CREB3L2: variants seen among roughly 807,000 people sequenced by gnomAD.
CREB3L2 encodes cyclic AMP-responsive element-binding protein 3-like protein 2.
Under a neutral mutation model 57.2 loss-of-function variants are expected in CREB3L2, and 23 were observed. That is an observed-to-expected ratio of 0.40 (90% CI 0.29 to 0.57). The LOEUF (loss-of-function observed/expected upper bound fraction) is 0.57. Among genes scored for constraint, CREB3L2 ranks in the 20% least tolerant of loss-of-function variants. CREB3L2 has a pLI of 0.42. For synonymous variants in CREB3L2, 268 were observed against 265.1 expected, an observed-to-expected ratio of 1.01 and a Z score of -0.11; for missense variants, 628 against 634.7, an observed-to-expected ratio of 0.99 and a Z score of 0.11.
intron 1 of CREB3L2, among the ~76,000 whole-genome samples, chr7:137,960,835 CAG>C (rs1341526874): frequency 1.5e-4 from 2 of 13,048 alleles, no homozygotes; most frequent in Admixed American, 9.3e-4. Context: ...TTTTTTGAGA[CAG>C]AGTTTCACTC....
chr7:137,988,024 C>T (rs1156335577), intron 1 of CREB3L2, among the ~76,000 whole-genome samples: 1 of 152,230 alleles, frequency 6.6e-6, no homozygotes, highest in African/African-American at 2.4e-5. Context: ...CTTCAAAGAG[C>T]CTGCTCTGCT....
intron 8 of CREB3L2, 126 bp from the exon 9 acceptor site, chr7:137,885,628 GT>G: frequency 2.8e-6 from 2 of 712,654 alleles, no homozygotes; most frequent in Non-Finnish European, 4.9e-6. Flanking sequence ...CCAAGGGACA[GT>G]TTCCTCTGGA....
chr7:137,992,750 A>G (rs879366036), intron 1 of CREB3L2, among the ~76,000 whole-genome samples: 3 of 152,364 alleles, frequency 2.0e-5, no homozygotes, highest in Admixed American at 6.5e-5. Flanking sequence ...TAAGCTTGCC[A>G]GAGTGTCATG....
chr7:137,900,916 TA>T (rs1466256443), intron 8 of CREB3L2, among the ~76,000 whole-genome samples: 1 of 152,242 alleles, frequency 6.6e-6, no homozygotes, highest in African/African-American at 2.4e-5. Context: ...TGGTCACCTC[TA>T]AATTTTGATG....
At chr7:137,917,354 G>C (rs550476337) in intron 2 of CREB3L2, among the ~76,000 whole-genome samples, 1 of 152,274 alleles carries the variant, frequency 6.6e-6, no homozygotes, top group African/African-American at 2.4e-5. Flanking sequence ...ACGACCAGAG[G>C]GTTGGAAACA....
chr7:138,001,242 C>CAA lies in CREB3L2; in HGVS notation c.102+360_102+361dup, dbSNP rs201152640. On this transcript the variant is annotated intron_variant, in intron 1 of 11. Coordinates refer to ENST00000330387, the MANE Select transcript of CREB3L2 (RefSeq NM_194071.4). The surrounding 1 kb of genome is among the most constrained non-coding windows in gnomAD (Gnocchi z 4.2). ...AATCTTGTCCAGTTTTTGAAAACCTCAAAAAAAAATCAATAGCAAACTAGG... is the reference window on the plus strand; with the variant it reads ...AATCTTGTCCAGTTTTTGAAAACCTCAAAAAAAAAAATCAATAGCAAACTAGG... Among the ~76,000 whole-genome samples the CAA allele has an allele frequency of 1.3e-5, 2 of 150,168 alleles. No homozygotes were observed. Among genetic ancestry groups the CAA allele is most frequent in the Admixed American group, 6.6e-5 (1 of 15,110 alleles).
Position 137,876,859 on chromosome 7 carries a change from G to C in CREB3L2, c.*3617C>G, listed in dbSNP as rs1372582818. ...CTTCTAGTGCATCTCTGCCCTCTCC[G>C]TGTTGGCAAGGTTGGCATGAATGGG... On this transcript the variant is annotated 3_prime_UTR_variant, in exon 12 of 12. Transcript: ENST00000330387. The C allele has an allele frequency of 1.7e-5, 4 of 231,986 alleles. No homozygotes were observed. Among genetic ancestry groups the C allele is most frequent in the African/African-American group, 8.8e-5 (4 of 45,268 alleles). 14.4% of individuals were successfully genotyped at this position (231,986 alleles called of 1,614,324 possible).
intron 1 of CREB3L2, among the ~76,000 whole-genome samples, chr7:137,966,328 G>A (rs1801406577): frequency 6.6e-6 from 1 of 152,172 alleles, no homozygotes; most frequent in South Asian, 2.1e-4. Flanking sequence ...CAATAAGTTT[G>A]GATGGTAATG....
intron 3 of CREB3L2, among the ~76,000 whole-genome samples, chr7:137,914,747 G>C (rs1800089900): frequency 6.6e-6 from 1 of 152,160 alleles, no homozygotes; most frequent in African/African-American, 2.4e-5. Flanking sequence ...AGGAATCCTA[G>C]CACACTTGCA....
intron 1 of CREB3L2, among the ~76,000 whole-genome samples, chr7:137,971,076 C>T (rs1801497340): frequency 6.6e-6 from 1 of 151,928 alleles, no homozygotes; most frequent in Non-Finnish European, 1.5e-5. Context: ...GAGATACACA[C>T]AAACTTCAAG....
intron 2 of CREB3L2, among the ~76,000 whole-genome samples, chr7:137,924,426 G>A (rs1339444647): frequency 3.3e-5 from 5 of 152,182 alleles, no homozygotes; most frequent in Admixed American, 2.6e-4. Context: ...AAAGGACAAT[G>A]CAAATGCATA....
chr7:137,875,433 T>C lies in CREB3L2; in HGVS notation c.*5043A>G, dbSNP rs986817513. 1.4e-5 allele frequency: 3 copies of C among 221,968 alleles called. No homozygotes were observed. The highest frequency in any genetic ancestry group is 6.7e-5 in the African/African-American group (3 of 44,750). The allele number at this position is 221,968 out of a possible 1,614,324, so 13.7% of individuals were successfully genotyped here. ...CAAAAAGTTCATGTTCTCACTCAGC[T>C]GGTGAGCGAAGGATGGGAGCAGAGA... On this transcript the variant is annotated 3_prime_UTR_variant, in exon 12 of 12. Transcript: ENST00000330387.
rs1017681310 is a variant in CREB3L2 at position 137,877,562 on chromosome 7, G to C, written c.*2914C>G. ...TCAGGTCTTATCCAGTGAAAAATTA[G>C]TTCTCTGAATCTTTGCAAAACATCT... On this transcript the variant is annotated 3_prime_UTR_variant, in exon 12 of 12. Coordinates refer to ENST00000330387, the MANE Select transcript of CREB3L2 (RefSeq NM_194071.4). 1.8e-5 allele frequency: 4 copies of C among 225,602 alleles called. No homozygotes were observed. Among genetic ancestry groups the C allele is most frequent in the African/African-American group, 2.2e-5 (1 of 44,852 alleles). The allele number at this position is 225,602 out of a possible 1,614,324, so 14.0% of individuals were successfully genotyped here.
intron 2 of CREB3L2, among the ~76,000 whole-genome samples, chr7:137,917,770 T>C (rs1398606391): frequency 6.6e-6 from 1 of 152,212 alleles, no homozygotes; most frequent in Non-Finnish European, 1.5e-5. Flanking sequence ...ATTGATGAAT[T>C]ATCCCAGCCT....
chr7:137,955,065 C>T (rs1431223139), intron 1 of CREB3L2, among the ~76,000 whole-genome samples: 1 of 152,176 alleles, frequency 6.6e-6, no homozygotes, highest in South Asian at 2.1e-4. Context: ...ACCACGTTAA[C>T]CTACATTTAA....
At chr7:137,885,590 G>A (rs1799401595) in intron 8 of CREB3L2, 88 bp from the exon 9 acceptor site, 2 of 985,834 alleles carry the variant, frequency 2.0e-6, no homozygotes, top group South Asian at 2.7e-5. Flanking sequence ...AGGCCGCCGT[G>A]CCTTTGTGCC....
At chr7:137,933,036 A>G (rs746468006) in intron 1 of CREB3L2, among the ~76,000 whole-genome samples, 3 of 152,184 alleles carry the variant, frequency 2.0e-5, no homozygotes, top group Non-Finnish European at 4.4e-5. Context: ...GAACAGTGGC[A>G]AGGCTAAGAT....
At chr7:137,960,709 T>C (rs978976703) in intron 1 of CREB3L2, among the ~76,000 whole-genome samples, 3 of 151,904 alleles carry the variant, frequency 2.0e-5, no homozygotes, top group Non-Finnish European at 4.4e-5. Context: ...AGTTTTGCCA[T>C]AGTACAACTA....
chr7:137,883,106 C>A (rs1044046347), intron 10 of CREB3L2, among the ~76,000 whole-genome samples: 27 of 152,196 alleles, frequency 1.8e-4, no homozygotes, highest in African/African-American at 6.5e-4. Flanking sequence ...AGGATAGAGA[C>A]AATCTCCTTT....
Sources: gnomAD v4.1 joint callset for allele counts (sites outside exome capture counted in the v4.1 genomes callset) on GRCh38, gnomAD v4.1.1 for gene constraint, Gnocchi (gnomAD v3.1) non-coding constraint, MANE v1.5 for transcripts, NCBI Gene and HGNC (gene_info 2026-07-23, HGNC 2026-07-21) for gene names.